F5: variants seen among roughly 807,000 people sequenced by gnomAD.
The protein encoded by F5 is activated protein c cofactor.
A neutral mutation model predicts 216.4 loss-of-function variants in F5; 138 were observed. That is an observed-to-expected ratio of 0.64 (90% CI 0.56 to 0.73). The LOEUF is 0.73. F5 is among the 30% of genes least tolerant of loss of function. The pLI, the probability that F5 is intolerant of heterozygous loss-of-function variation, is 0.00. For missense variants in F5, 2,403 were observed against 2,674.0 expected (o/e 0.90, Z 2.24); for synonymous variants, 916 against 930.7 (o/e 0.98, Z 0.29).
intron 3 of F5, 141 bp from the exon 4 acceptor site, chr1:169,560,907 A>T: frequency 1.4e-6 from 1 of 738,318 alleles, no homozygotes; most frequent in Non-Finnish European, 2.4e-6. Flanking sequence ...ATTTGGAAAG[A>T]TTCACATATG....
chr1:169,580,393 T>G (rs1270292333), intron 2 of F5, among the ~76,000 whole-genome samples: 2 of 151,220 alleles, frequency 1.3e-5, no homozygotes, highest in Non-Finnish European at 2.9e-5. Flanking sequence ...TTGTTGTTTT[T>G]TTTTTTTTGA....
At chr1:169,521,004 C>T (rs772587339) in intron 21 of F5, among the ~76,000 whole-genome samples, 2 of 151,988 alleles carry the variant, frequency 1.3e-5, no homozygotes, top group East Asian at 1.9e-4. Flanking sequence ...CCTCATAAAT[C>T]CCAGACTTAG....
Position 169,540,164 on chromosome 1 carries a change from C to G in F5, c.4796+130G>C, listed in dbSNP as rs1659798696. On this transcript the variant is annotated intron_variant, in intron 13 of 24. Transcript: ENST00000367797. ...GAATTGACAAAGGAAAAAGAACAGG[C>G]CAACTTGCAATAGGGGAACCACACT... 4.2e-6 allele frequency: 4 copies of G among 956,052 alleles called. No individual in the cohort carries two copies. The African/African-American group carries it at 6.6e-5, about 16-fold the overall frequency. 59.2% of individuals were successfully genotyped at this position (956,052 alleles called of 1,614,324 possible).
chr1:169,570,807 A>G (rs1411348811), intron 3 of F5, among the ~76,000 whole-genome samples: 1 of 152,182 alleles, frequency 6.6e-6, no homozygotes, highest in Non-Finnish European at 1.5e-5. Context: ...AATATTTATT[A>G]TCTGTTATAT....
intron 19 of F5, among the ~76,000 whole-genome samples, 189 bp downstream of exon 19, chr1:169,524,648 G>C (rs950992233): frequency 3.3e-5 from 5 of 152,180 alleles, no homozygotes; most frequent in Non-Finnish European, 7.3e-5. Flanking sequence ...CAGGCCTTTA[G>C]CTCCTACCAT....
chr1:169,579,662 A>T lies in F5; in HGVS notation c.250+2769T>A, dbSNP rs111409431. Among the ~76,000 whole-genome samples, 109 of 152,320 alleles carry T rather than the reference A, an allele frequency of 7.2e-4. 1 individual carries two copies. Among genetic ancestry groups the T allele is most frequent in the African/African-American group, 2.4e-3 (99 of 41,582 alleles). On this transcript the variant is annotated intron_variant, in intron 2 of 24. Transcript: ENST00000367797. ...CTGCTGTTCAAACCAGACACCTTGAAGTCCATAACAATTCCCTTTTCTTCC... is the reference window on the plus strand; with the variant it reads ...CTGCTGTTCAAACCAGACACCTTGATGTCCATAACAATTCCCTTTTCTTCC...
In F5 at chr1:169,540,453, T is replaced by G. The variant is rs200308026; in HGVS notation, c.4637A>C (p.Tyr1546Ser). The change falls in exon 13 of 25, where the codon TAT (tyrosine) becomes TCT (serine). Residue 1546 changes from tyrosine to serine, a missense_variant. Tyr to Ser is a moderately radical substitution (Grantham distance 144). This residue lies in a region of F5 where 293 missense variants were observed against 270.8 expected (regional missense o/e 1.08). Transcript: ENST00000367797. ...DDYAEIDYVP[Y>S]DDPYKTDVRT... is the part of the protein sequence containing the mutation. ...AACATCAGTTTTGTAGGGGTCATCA[T>G]AGGGCACATAATCAATTTCAGCATA... The G allele has an allele frequency of 6.2e-7, 1 of 1,614,018 alleles. No homozygotes were observed. Among genetic ancestry groups the G allele is most frequent in the Non-Finnish European group, 8.5e-7 (1 of 1,179,946 alleles).
intron 14 of F5, among the ~76,000 whole-genome samples, chr1:169,532,243 A>G (rs998630795): frequency 1.3e-5 from 2 of 152,208 alleles, no homozygotes; most frequent in Non-Finnish European, 2.9e-5. Flanking sequence ...CCAACATCAT[A>G]CTGAATGAGC....
intron 12 of F5, 135 bp downstream of exon 12, chr1:169,544,161 A>G: frequency 1.4e-6 from 1 of 724,232 alleles, no homozygotes. Context: ...ATCATGAGAA[A>G]CATTGAAAGA....
rs79431716 is a variant in F5, at chr1:169,572,521, A to G, written c.251-178T>C. Among the ~76,000 whole-genome samples, 1,058 of 152,290 alleles carry G rather than the reference A, an allele frequency of 6.9e-3. 14 individuals are homozygous for G. Among genetic ancestry groups the G allele is most frequent in the African/African-American group, 0.025 (1,023 of 41,574 alleles). ...TAGCAGCTCATTAACTCAACATTAC[A>G]TGTACACAGATCACAATAGAATGGT... is the stretch of plus-strand genomic sequence containing the variant. On this transcript the variant is annotated intron_variant, in intron 2 of 24. Coordinates refer to ENST00000367797, the MANE Select transcript of F5 (RefSeq NM_000130.5).
intron 7 of F5, among the ~76,000 whole-genome samples, chr1:169,554,665 C>T (rs894456101): frequency 2.7e-4 from 41 of 152,196 alleles, no homozygotes; most frequent in African/African-American, 8.2e-4. Context: ...TAATCTTCCA[C>T]GAACAATATA....
At position 169,557,239 on chromosome 1, in the gene F5, T is replaced by TA. The variant is rs150578256; in HGVS notation, c.731-373dup. Among the ~76,000 whole-genome samples the TA allele has an allele frequency of 1.3e-3, 195 of 152,244 alleles. 1 individual carries two copies. The highest frequency in any genetic ancestry group is 4.5e-3 in the African/African-American group (186 of 41,530). On this transcript the variant is annotated intron_variant, in intron 5 of 24. Transcript: ENST00000367797. ...TCAGGACTTTAACTATTAGAACTGG[T>TA]AAAAAGTCCACGGCAAAATGGAATG... is the stretch of plus-strand genomic sequence containing the variant.
intron 3 of F5, among the ~76,000 whole-genome samples, chr1:169,571,533 C>T (rs1049623989): frequency 5.3e-5 from 8 of 152,138 alleles, no homozygotes; most frequent in Non-Finnish European, 1.0e-4. Flanking sequence ...AAGTCTAATA[C>T]TATTAATGCT....
intron 3 of F5, among the ~76,000 whole-genome samples, chr1:169,566,022 G>C (rs1356211588): frequency 6.6e-6 from 1 of 152,076 alleles, no homozygotes; most frequent in Admixed American, 6.6e-5. Context: ...TAATAAGCAG[G>C]AAGCATTATC....
At chr1:169,550,888 G>A in intron 8 of F5, 149 bp from the exon 9 acceptor site, 2 of 657,798 alleles carry the variant, frequency 3.0e-6, no homozygotes, top group Admixed American at 4.3e-5. Flanking sequence ...TATCTGAGCA[G>A]TAACCTCCCC....
At chr1:169,521,615 A>ATTTTTTTTTTT (rs35651599) in intron 21 of F5, among the ~76,000 whole-genome samples, 4 of 106,268 alleles carry the variant, frequency 3.8e-5, no homozygotes, top group Non-Finnish European at 5.3e-5. Context: ...CTGTGAAAAG[A>ATTTTTTTTTTT]TTTTTTTTTT....
In F5 at chr1:169,542,530, C is replaced by A; in HGVS notation, c.2560G>T (p.Ala854Ser). The change falls in exon 13 of 25, where the codon GCT (alanine) becomes TCT (serine). Residue 854 changes from alanine (A) to serine (S), a missense_variant. By Grantham distance (99) the Ala-to-Ser change is moderately conservative (BLOSUM62 1). Coordinates refer to ENST00000367797, the MANE Select transcript of F5 (RefSeq NM_000130.5). ...TGTTCTTGACTTTTGAATTCTCCAG[C>A]ACCAAGTGAAAGTAGACGTATCCCT... is the stretch of plus-strand genomic sequence containing the variant. ...VTGIRLLSLG[A>S]GEFKSQEHAK... The A allele has an allele frequency of 6.2e-7, 1 of 1,614,064 alleles. No homozygotes were observed. Among genetic ancestry groups the A allele is most frequent in the Non-Finnish European group, 8.5e-7 (1 of 1,179,964 alleles).
chr1:169,543,123 G>A lies in F5; in HGVS notation c.1976-9C>T, dbSNP rs747209925. On this transcript the variant is annotated splice_polypyrimidine_tract_variant and intron_variant, in intron 12 of 24. Transcript: ENST00000367797. ...AGTTAACATCCAAGTTCCTACAGAAGAGAGACAGACAGAAGAGAGATCTGG... is the reference window on the plus strand; with the variant it reads ...AGTTAACATCCAAGTTCCTACAGAAAAGAGACAGACAGAAGAGAGATCTGG... 1.2e-6 allele frequency: 2 copies of A among 1,611,642 alleles called. No homozygotes were observed. Among genetic ancestry groups the A allele is most frequent in the African/African-American group, 1.3e-5 (1 of 74,876 alleles).
At chr1:169,563,023 T>A (rs1475633817) in intron 3 of F5, among the ~76,000 whole-genome samples, 1 of 152,056 alleles carries the variant, frequency 6.6e-6, no homozygotes, top group Non-Finnish European at 1.5e-5. Flanking sequence ...TCTTTCTGCA[T>A]TTGTATGTCT....
Sources: gnomAD v4.1 joint callset for allele counts (sites outside exome capture counted in the v4.1 genomes callset) on GRCh38, gnomAD v4.1.1 for gene constraint, gnomAD v4.1.1 regional missense constraint, MANE v1.5 for transcripts, NCBI Gene and HGNC (gene_info 2026-07-23, HGNC 2026-07-21) for gene names.